The following PTPN14 variants were observed in gnomAD, a reference collection of about 807,000 sequenced individuals.
The protein encoded by PTPN14 is tyrosine-protein phosphatase non-receptor type 14.
PTPN14 carries 53 observed loss-of-function variants against 126.8 expected under a neutral mutation model. The observed-to-expected ratio is 0.42, with a 90% CI of 0.34 to 0.53. The LOEUF (loss-of-function observed/expected upper bound fraction) is 0.53, where lower values mean the gene tolerates loss of function less well. Among genes scored for constraint, PTPN14 ranks in the 20% least tolerant of loss-of-function variants. PTPN14 has a pLI of 0.08. For missense variants in PTPN14, 1,257 were observed against 1,552.9 expected (o/e 0.81, Z 3.20); for synonymous variants, 630 against 599.3 (o/e 1.05, Z -0.75).
In PTPN14 at chr1:214,351,290, T is replaced by TAAAAAAAA. The variant is rs557321966; in HGVS notation, c.*6624_*6631dup. ...AGGAGTGAGACACGATCTCAAAAAC[T>TAAAAAAAA]AAAAAAAAAAAAAAAAAGAAAAAGA... On this transcript the variant is annotated 3_prime_UTR_variant, in exon 19 of 19. Coordinates refer to ENST00000366956, the MANE Select transcript of PTPN14 (RefSeq NM_005401.5). 1.8e-4 allele frequency: 11 copies of TAAAAAAAA among 61,510 alleles called. No individual in the cohort carries two copies. The highest frequency in any genetic ancestry group is 2.3e-4 in the African/African-American group (4 of 17,614). 3.8% of individuals were successfully genotyped at this position (61,510 alleles called of 1,614,324 possible).
At chr1:214,482,109 A>G (rs983281863) in intron 1 of PTPN14, among the ~76,000 whole-genome samples, 19 of 152,154 alleles carry the variant, frequency 1.2e-4, no homozygotes, top group African/African-American at 4.3e-4. Context: ...GTGCTTAGTC[A>G]TTTATTAGCT....
chr1:214,447,598 T>C (rs1298148777), intron 3 of PTPN14, among the ~76,000 whole-genome samples: 1 of 152,054 alleles, frequency 6.6e-6, no homozygotes, highest in African/African-American at 2.4e-5. Flanking sequence ...TGTTCCTCCA[T>C]ATTCCCAGCT....
chr1:214,372,911 T>G (rs1354877741), intron 15 of PTPN14, 72 bp from the exon 16 acceptor site: 4 of 1,585,254 alleles, frequency 2.5e-6, no homozygotes, highest in Non-Finnish European at 3.4e-6. Context: ...CACCTGTCCA[T>G]CTGTATCCAC....
At chr1:214,458,793 G>T (rs953352401) in intron 2 of PTPN14, among the ~76,000 whole-genome samples, 1 of 152,018 alleles carries the variant, frequency 6.6e-6, no homozygotes, top group African/African-American at 2.4e-5. Context: ...CCTTAACCTA[G>T]GCTAGTTATT....
At chr1:214,459,593 C>A (rs1660463259) in intron 2 of PTPN14, among the ~76,000 whole-genome samples, 1 of 152,088 alleles carries the variant, frequency 6.6e-6, no homozygotes, top group Non-Finnish European at 1.5e-5. Context: ...CCTCAGCCTC[C>A]CAAATAGCTG....
chr1:214,379,583 G>C (rs542253764), intron 13 of PTPN14, among the ~76,000 whole-genome samples: 128 of 152,328 alleles, frequency 8.4e-4, no homozygotes, highest in African/African-American at 2.9e-3. Context: ...TAAGCTAAAA[G>C]GAAAAGTCAA....
chr1:214,466,115 C>A (rs1572017908), intron 1 of PTPN14, among the ~76,000 whole-genome samples: 1 of 151,436 alleles, frequency 6.6e-6, no homozygotes, highest in African/African-American at 2.4e-5. Context: ...CGCCACCACA[C>A]CTGGCTATTT....
rs772392510 is a variant in PTPN14, at chr1:214,364,766, A to AGTGAGTGTGTGTGTGTGT, written c.3272-92_3272-91insACACACACACACACTCAC. 1.5e-5 allele frequency: 9 copies of AGTGAGTGTGTGTGTGTGT among 591,988 alleles called. No individual in the cohort carries two copies. The highest frequency in any genetic ancestry group is 5.1e-4 in the Middle Eastern group (1 of 1,978). 36.7% of individuals were successfully genotyped at this position (591,988 alleles called of 1,614,324 possible). On this transcript the variant is annotated intron_variant, in intron 17 of 18. Transcript: ENST00000366956. The surrounding 1 kb of genome is among the most constrained non-coding windows in gnomAD (Gnocchi z 4.1). ...GGGGAGCGGAAGAGAACTGATGGTG[A>AGTGAGTGTGTGTGTGTGT]GTGTGTGTGTGTGTGTGTGTGTGTG...
chr1:214,366,984 A>C (rs904381438), intron 17 of PTPN14, among the ~76,000 whole-genome samples: 396 of 7,606 alleles, frequency 0.052, 1 homozygote, highest in African/African-American at 0.32. Flanking sequence ...ACTCCATCTC[A>C]AAAAAAAAAA....
intron 1 of PTPN14, among the ~76,000 whole-genome samples, chr1:214,497,612 G>A (rs775973466): frequency 1.1e-4 from 16 of 148,248 alleles, no homozygotes; most frequent in Middle Eastern, 3.6e-3. Context: ...AAGCCTATGG[G>A]ACCTGGTGCA....
At chr1:214,434,748 G>A (rs1659874748) in intron 3 of PTPN14, among the ~76,000 whole-genome samples, 3 of 152,162 alleles carry the variant, frequency 2.0e-5, no homozygotes, top group South Asian at 2.1e-4. Context: ...TGGAAGAACC[G>A]AGAGCAGAAT....
At chr1:214,534,215 A>G (rs1243480119) in intron 1 of PTPN14, among the ~76,000 whole-genome samples, 1 of 152,172 alleles carries the variant, frequency 6.6e-6, no homozygotes. Context: ...ATCTGGCCAT[A>G]TGTAACAAGA....
chr1:214,487,628 C>T (rs1047518632), intron 1 of PTPN14, among the ~76,000 whole-genome samples: 1 of 46,856 alleles, frequency 2.1e-5, no homozygotes, highest in Non-Finnish European at 4.5e-5. Context: ...AGCAAGACTC[C>T]GTCTCAAAAA....
chr1:214,375,598 A>G (rs1366905624), intron 15 of PTPN14, among the ~76,000 whole-genome samples: 4 of 152,252 alleles, frequency 2.6e-5, no homozygotes, highest in Non-Finnish European at 4.4e-5. Flanking sequence ...GTGCTAAACT[A>G]TGTAATACTG....
In PTPN14 at chr1:214,383,082, C is replaced by T. The variant is rs915013303; in HGVS notation, c.2544+229G>A. ...AAACAGCAAAATGCTGGCTGAGGCA[C>T]TGGCCTCAATAACGTACCAAGTACA... On this transcript the variant is annotated intron_variant, in intron 13 of 18. Coordinates refer to ENST00000366956, the MANE Select transcript of PTPN14 (RefSeq NM_005401.5). This position sits in a 1 kb window ranked among gnomAD's most constrained non-coding sequence, Gnocchi z 4.4. 3.9e-5 allele frequency among the ~76,000 whole-genome samples: 6 copies of T among 152,212 alleles called. No individual in the cohort carries two copies. The highest frequency in any genetic ancestry group is 8.8e-5 in the Non-Finnish European group (6 of 68,044).
chr1:214,503,066 CAG>C (rs558518525), intron 1 of PTPN14, among the ~76,000 whole-genome samples: 324 of 152,240 alleles, frequency 2.1e-3, no homozygotes, highest in Non-Finnish European at 3.0e-3. Flanking sequence ...ATGAGAGATT[CAG>C]AGTTTTAAAT....
At position 214,356,677 on chromosome 1, in the gene PTPN14, G is replaced by A. The variant is rs931666013; in HGVS notation, c.*1245C>T. 3.3e-5 allele frequency: 5 copies of A among 152,204 alleles called. No individual in the cohort carries two copies. Among genetic ancestry groups the A allele is most frequent in the Admixed American group, 2.0e-4 (3 of 15,284 alleles). The allele number at this position is 152,204 out of a possible 1,614,324, so 9.4% of individuals were successfully genotyped here. ...CTCTGCCAATGACAATTCTACCATC[G>A]TTCATCAAGTGGCCCCAAGTTTGGA... On this transcript the variant is annotated 3_prime_UTR_variant, in exon 19 of 19. Coordinates refer to ENST00000366956, the MANE Select transcript of PTPN14 (RefSeq NM_005401.5).
intron 3 of PTPN14, among the ~76,000 whole-genome samples, chr1:214,419,900 T>C (rs950259910): frequency 2.6e-5 from 4 of 152,194 alleles, no homozygotes; most frequent in East Asian, 1.9e-4. Flanking sequence ...ATAAATACTA[T>C]GTATGCAGGC....
chr1:214,473,506 C>A (rs1660805858), intron 1 of PTPN14, among the ~76,000 whole-genome samples: 1 of 152,164 alleles, frequency 6.6e-6, no homozygotes, highest in African/African-American at 2.4e-5. Flanking sequence ...AACTGCTATT[C>A]AATTGCATCC....
Sources: gnomAD v4.1 joint callset for allele counts (sites outside exome capture counted in the v4.1 genomes callset) on GRCh38, gnomAD v4.1.1 for gene constraint, Gnocchi (gnomAD v3.1) non-coding constraint, MANE v1.5 for transcripts, NCBI Gene and HGNC (gene_info 2026-07-23, HGNC 2026-07-21) for gene names.